The following CNGA1 variants were observed in gnomAD, a reference collection of about 807,000 sequenced individuals.
CNGA1 encodes cyclic nucleotide gated channel subunit alpha 1, also known as cyclic nucleotide-gated channel alpha-1.
Under a neutral mutation model 69.7 loss-of-function variants are expected in CNGA1, and 53 were observed. The ratio of observed to expected loss-of-function variants is 0.76; its 90% CI spans 0.61 to 0.96. CNGA1 has a LOEUF of 0.96. CNGA1 is among the 40% of genes least tolerant of loss of function. The pLI is 0.00. For missense variants in CNGA1, 739 were observed against 811.2 expected (o/e 0.91, Z 1.08); for synonymous variants, 249 against 283.5 (o/e 0.88, Z 1.22).
rs115010875 is a variant in CNGA1, at chr4:47,972,894, C to T, written c.-15+8499G>A. ...TAAAGTCATTTGTGTACTTTACTAA[C>T]CTGTAAATCCTGTAAGCCATTTCAC... is the stretch of plus-strand genomic sequence containing the variant. On this transcript the variant is annotated intron_variant, in intron 3 of 10. Transcript: ENST00000514170. Among the ~76,000 whole-genome samples the T allele has an allele frequency of 8.2e-3, 1,254 of 152,180 alleles. 17 individuals carry two copies. The highest frequency in any genetic ancestry group is 0.028 in the African/African-American group (1,159 of 41,516).
rs893525961 is a variant in CNGA1, at chr4:47,943,571, G to C, written c.288-159C>G. The stretch of plus-strand genomic sequence containing the variant: ...ACTGGAGGTTTCTACCCCAAAAAGT[G>C]GGGGGTGGGGCAGACAATTATCCAG... On this transcript the variant is annotated intron_variant, in intron 6 of 10. Transcript: ENST00000514170. 3.9e-5 allele frequency among the ~76,000 whole-genome samples: 6 copies of C among 152,038 alleles called. No homozygotes were observed. The East Asian group carries it at 9.6e-4, about 24-fold the overall frequency.
chr4:48,010,631 T>C (rs1364484459), intron 2 of CNGA1, among the ~76,000 whole-genome samples, 163 bp downstream of exon 2: 1 of 152,214 alleles, frequency 6.6e-6, no homozygotes, highest in African/African-American at 2.4e-5. Flanking sequence ...TATAGCTCTA[T>C]TAGAAGCCGT....
intron 10 of CNGA1, among the ~76,000 whole-genome samples, chr4:47,939,711 G>A (rs1738950576): frequency 6.6e-6 from 1 of 152,162 alleles, no homozygotes; most frequent in African/African-American, 2.4e-5. Flanking sequence ...GAATTGCTTG[G>A]TGTGTAGAGG....
At chr4:47,984,195 A>G (rs1578112206) in intron 2 of CNGA1, among the ~76,000 whole-genome samples, 2 of 152,194 alleles carry the variant, frequency 1.3e-5, no homozygotes, top group East Asian at 3.8e-4. Flanking sequence ...CTTCTACAGA[A>G]AAACGTTTTT....
intron 3 of CNGA1, among the ~76,000 whole-genome samples, chr4:47,967,100 G>A (rs1369020326): frequency 6.6e-6 from 1 of 151,834 alleles, no homozygotes; most frequent in Admixed American, 6.6e-5. Context: ...GTCAGGAGTT[G>A]GAGACCAACC....
chr4:47,955,173 C>CTTTTTTTTTT (rs377338639), intron 3 of CNGA1, among the ~76,000 whole-genome samples: 2 of 98,208 alleles, frequency 2.0e-5, no homozygotes, highest in Non-Finnish European at 3.9e-5. Context: ...TTTTTCTTTT[C>CTTTTTTTTTT]TTTTTTTTTT....
chr4:47,989,321 G>A (rs1742134743), intron 2 of CNGA1, among the ~76,000 whole-genome samples: 1 of 152,124 alleles, frequency 6.6e-6, no homozygotes, highest in Non-Finnish European at 1.5e-5. Context: ...CAGAACATGA[G>A]CATCCAATCT....
intron 3 of CNGA1, among the ~76,000 whole-genome samples, chr4:47,954,915 T>C (rs954476847): frequency 2.3e-4 from 35 of 152,152 alleles, no homozygotes; most frequent in African/African-American, 8.2e-4. Flanking sequence ...CCCAGGGACC[T>C]TTAGGCTATA....
intron 3 of CNGA1, among the ~76,000 whole-genome samples, chr4:47,969,927 G>C (rs1560297362): frequency 6.6e-6 from 1 of 152,220 alleles, no homozygotes; most frequent in East Asian, 1.9e-4. Flanking sequence ...CAAAATATAT[G>C]ATATATGCCT....
At position 47,951,410 on chromosome 4, in the gene CNGA1, G is replaced by A. The variant is rs1291858210; in HGVS notation, c.167C>T (p.Pro56Leu). Residue 56 changes from proline (P) to leucine (L), a missense_variant, in exon 5 of 11, where the codon CCT becomes CTT. Physicochemically the swap from Pro to Leu is moderately conservative, Grantham distance 98. Coordinates refer to ENST00000514170, the MANE Select transcript of CNGA1 (RefSeq NM_001379270.1). ...STSEESENENPHARGSFSYKS... is the reference protein window; with the variant it reads ...STSEESENENLHARGSFSYKS... Reference sequence around the variant, plus strand: ...ATAACTAAAGGAACCCCTTGCATGAGGGTTTTCATTCTCTGATTCTTCAGA... The same window carrying A: ...ATAACTAAAGGAACCCCTTGCATGAAGGTTTTCATTCTCTGATTCTTCAGA... 1 of 1,613,786 alleles carries A rather than the reference G, an allele frequency of 6.2e-7. No homozygotes were observed. The highest frequency in any genetic ancestry group is 8.5e-7 in the Non-Finnish European group (1 of 1,179,856).
intron 2 of CNGA1, among the ~76,000 whole-genome samples, chr4:47,996,658 T>C (rs1742486857): frequency 6.6e-6 from 1 of 152,192 alleles, no homozygotes; most frequent in Non-Finnish European, 1.5e-5. Flanking sequence ...GTATTAAGTT[T>C]CTGGTTAAAT....
rs552549933 is a variant in CNGA1, at chr4:48,011,312, TA to T, written c.-222-420del. ...GTCAACTAAGAAGAAAAAAAATTAC[TA>T]AAAAAAAAAAAGACAAGGTCCTGGG... On this transcript the variant is annotated intron_variant, in intron 1 of 10. Coordinates refer to ENST00000514170, the MANE Select transcript of CNGA1 (RefSeq NM_001379270.1). Among the ~76,000 whole-genome samples, 264 of 118,774 alleles carry T rather than the reference TA, an allele frequency of 2.2e-3. 1 individual carries two copies. The highest frequency in any genetic ancestry group is 5.5e-3 in the African/African-American group (180 of 33,014). The allele number at this position is 118,774 out of a possible 152,430, so 77.9% of individuals were successfully genotyped here.
chr4:47,943,894 TG>T (rs1329301129), intron 6 of CNGA1, among the ~76,000 whole-genome samples: 1 of 152,214 alleles, frequency 6.6e-6, no homozygotes. Flanking sequence ...GGTAATATGG[TG>T]GAATCTCAGT....
intron 2 of CNGA1, among the ~76,000 whole-genome samples, chr4:48,001,147 G>C (rs1714649201): frequency 6.6e-6 from 1 of 151,958 alleles, no homozygotes; most frequent in South Asian, 2.1e-4. Flanking sequence ...AGATGTAAAG[G>C]GAAAAAAAAG....
chr4:47,964,255 C>T (rs1740610200), intron 3 of CNGA1, among the ~76,000 whole-genome samples: 1 of 152,088 alleles, frequency 6.6e-6, no homozygotes, highest in Non-Finnish European at 1.5e-5. Flanking sequence ...GTGATTATTT[C>T]ATTCATCATA....
rs903791783 is a variant in CNGA1 at position 47,937,259 on chromosome 4, G to A, written c.1223C>T (p.Ala408Val). Residue 408 changes from alanine (A) to valine (V), a missense_variant, in exon 11 of 11, where the codon GCA becomes GTA. By Grantham distance (64) the Ala-to-Val change is moderately conservative. Transcript: ENST00000514170. ...NMNAARAEFQ[A>V]RIDAIKQYMH... The stretch of plus-strand genomic sequence containing the variant: ...ATATTGCTTGATAGCATCAATTCTT[G>A]CTTGAAATTCTGCTCTGGCTGCATT... The A allele has an allele frequency of 9.3e-6, 15 of 1,613,772 alleles. No individual in the cohort carries two copies. The African/African-American group carries it at 1.9e-4, about 20-fold the overall frequency.
At position 47,936,998 on chromosome 4, in the gene CNGA1, A is replaced by G. The variant is rs1334741064; in HGVS notation, c.1484T>C (p.Val495Ala). 6.2e-7 allele frequency: 1 copy of G among 1,614,114 alleles called. No homozygotes were observed. Among genetic ancestry groups the G allele is most frequent in the East Asian group, 2.2e-5 (1 of 44,882 alleles). ...VELVLKLQPQ[V>A]YSPGDYICKK... ...GCAAATATAATCTCCAGGACTGTAG[A>G]CTTGGGGTTGCAATTTCAAGACCAA... The change falls in exon 11 of 11, where the codon GTC (valine) becomes GCC (alanine). Residue 495 changes from valine (V) to alanine (A), a missense_variant. By Grantham distance (64) the Val-to-Ala change is moderately conservative. Transcript: ENST00000514170.
chr4:47,936,787 G>A lies in CNGA1; in HGVS notation c.1695C>T (p.Gly565=). Reference sequence around the variant, plus strand: ...TTGAGAGACAGAACAGGTCTGAGTAGCCAATACTTTTAATATTGGCCGTTC... The same window carrying A: ...TTGAGAGACAGAACAGGTCTGAGTAACCAATACTTTTAATATTGGCCGTTC... ...NRRTANIKSI[G]YSDLFCLSKD... Residue 565 remains glycine (G), a synonymous_variant, in exon 11 of 11, where the codon GGC becomes GGT. Coordinates refer to ENST00000514170, the MANE Select transcript of CNGA1 (RefSeq NM_001379270.1). 1 of 1,614,104 alleles carries A rather than the reference G, an allele frequency of 6.2e-7. No individual in the cohort carries two copies. The highest frequency in any genetic ancestry group is 8.5e-7 in the Non-Finnish European group (1 of 1,180,012).
chr4:47,993,789 G>A (rs922125837), intron 2 of CNGA1, among the ~76,000 whole-genome samples: 2 of 151,714 alleles, frequency 1.3e-5, no homozygotes, highest in Non-Finnish European at 2.9e-5. Flanking sequence ...GTCTGTTTGT[G>A]CTCTTTCAGA....
Sources: allele counts gnomAD v4.1 joint callset (sites outside exome capture counted in the v4.1 genomes callset), GRCh38; gene constraint gnomAD v4.1.1; transcripts MANE v1.5; gene names NCBI Gene and HGNC (gene_info 2026-07-23, HGNC 2026-07-21).